The following PPARA variants were observed in gnomAD, a reference collection of about 807,000 sequenced individuals.
PPARA encodes peroxisome proliferator-activated receptor alpha.
PPARA carries 22 observed loss-of-function variants against 42.2 expected under a neutral mutation model. That is an observed-to-expected ratio of 0.52 (90% CI 0.37 to 0.74). The LOEUF (loss-of-function observed/expected upper bound fraction) is 0.74. Ranked by LOEUF, PPARA falls within the 30% of genes least tolerant of loss-of-function variation. The pLI is 0.00. For missense variants in PPARA, 465 were observed against 608.2 expected (o/e 0.76, Z 2.48); for synonymous variants, 242 against 239.3 (o/e 1.01, Z -0.10).
chr22:46,215,435 C>T, intron 5 of PPARA, 102 bp downstream of exon 5: 1 of 1,504,834 alleles, frequency 6.6e-7, no homozygotes, highest in Non-Finnish European at 9.1e-7. Context: ...GCAGAAAGTC[C>T]CGGATAAGAA....
chr22:46,194,893 C>A (rs921669777), intron 3 of PPARA, among the ~76,000 whole-genome samples: 19 of 116,056 alleles, frequency 1.6e-4, no homozygotes, highest in Non-Finnish European at 2.4e-4. Context: ...TGTTTTCTTT[C>A]TTTTTTTTTT....
rs1018612620 is a variant in PPARA at position 46,240,635 on chromosome 22, A to C, written c.*5255A>C. On this transcript the variant is annotated 3_prime_UTR_variant, in exon 9 of 9. Transcript: ENST00000407236. This position sits in a 1 kb window ranked among gnomAD's most constrained non-coding sequence, Gnocchi z 6.0. ...GACTGATGCCACCACCTGAAGGCTC[A>C]TGATTGTTAAAAATGTCCACGGGAA... 1 of 170,816 alleles carries C rather than the reference A, an allele frequency of 5.9e-6. No homozygotes were observed. Among genetic ancestry groups the C allele is most frequent in the African/African-American group, 2.4e-5 (1 of 42,202 alleles). 10.6% of individuals were successfully genotyped at this position (170,816 alleles called of 1,614,324 possible).
chr22:46,201,704 G>A (rs1932848096), intron 4 of PPARA, among the ~76,000 whole-genome samples: 1 of 152,106 alleles, frequency 6.6e-6, no homozygotes, highest in Admixed American at 6.5e-5. Flanking sequence ...ATTTAAGGAA[G>A]GAGGAAAGGA....
At position 46,212,852 on chromosome 22, in the gene PPARA, C is replaced by T. The variant is rs578019746; in HGVS notation, c.209-2321C>T. Among the ~76,000 whole-genome samples the T allele has an allele frequency of 3.7e-4, 57 of 152,118 alleles. No individual in the cohort carries two copies. The highest frequency in any genetic ancestry group is 1.3e-3 in the African/African-American group (52 of 41,506). ...CTCTACTAAAAATACAAAAATTAGC[C>T]GGGCGTGGTAATGGGCACCTGTAAT... On this transcript the variant is annotated intron_variant, in intron 4 of 8. Transcript: ENST00000407236. The surrounding 1 kb of genome is among the most constrained non-coding windows in gnomAD (Gnocchi z 4.2).
chr22:46,154,368 A>G (rs1924931839), intron 2 of PPARA, among the ~76,000 whole-genome samples: 1 of 152,184 alleles, frequency 6.6e-6, no homozygotes, highest in Non-Finnish European at 1.5e-5. Context: ...CTATGGTTTC[A>G]GCACTTTGTG....
chr22:46,243,181 C>T lies in PPARA; in HGVS notation c.*7801C>T, dbSNP rs1409203780. On this transcript the variant is annotated 3_prime_UTR_variant, in exon 9 of 9. Coordinates refer to ENST00000407236, the MANE Select transcript of PPARA (RefSeq NM_005036.6). The surrounding 1 kb of genome is among the most constrained non-coding windows in gnomAD (Gnocchi z 5.0). ...AACTTCTTGGTGCATATTGGTTACA[C>T]CCTCTGGGATTCATAATGCCATTAG... The T allele has an allele frequency of 1.3e-5, 2 of 152,268 alleles. No individual in the cohort carries two copies. The highest frequency in any genetic ancestry group is 2.9e-5 in the Non-Finnish European group (2 of 68,042). The allele number at this position is 152,268 out of a possible 1,614,324, so 9.4% of individuals were successfully genotyped here. A position where few individuals can be genotyped will look rare whatever the true frequency, so the allele number is the denominator to read the frequency against.
chr22:46,189,735 C>G (rs1931286180), intron 3 of PPARA, among the ~76,000 whole-genome samples: 1 of 148,798 alleles, frequency 6.7e-6, no homozygotes, highest in Admixed American at 6.8e-5. Context: ...GAGACAGAGT[C>G]TTGCTCTGTC....
At position 46,231,716 on chromosome 22, in the gene PPARA, G is replaced by A; in HGVS notation, c.712-76G>A. On this transcript the variant is annotated intron_variant, in intron 7 of 8. Transcript: ENST00000407236. The surrounding 1 kb of genome is among the most constrained non-coding windows in gnomAD (Gnocchi z 7.7). ...GCTTGGTGATTTGGACGCAGGAGCT[G>A]CTCATTAGTGAGCTGATAGCTGGGA... is the stretch of plus-strand genomic sequence containing the variant. The A allele has an allele frequency of 2.8e-6, 4 of 1,454,004 alleles. No homozygotes were observed. Among genetic ancestry groups the A allele is most frequent in the South Asian group, 2.4e-5 (2 of 83,194 alleles). 90.1% of individuals were successfully genotyped at this position (1,454,004 alleles called of 1,614,324 possible).
chr22:46,219,784 T>G lies in PPARA; in HGVS notation c.509-28T>G, dbSNP rs781185687. On this transcript the variant is annotated intron_variant, in intron 6 of 8. Coordinates refer to ENST00000407236, the MANE Select transcript of PPARA (RefSeq NM_005036.6). This position sits in a 1 kb window ranked among gnomAD's most constrained non-coding sequence, Gnocchi z 4.8. ...CGCGCAGTCATGACCTCACTGCTCATGCCTGTGTTTCCCCCTCCAAACCCT... is the reference window on the plus strand; with the variant it reads ...CGCGCAGTCATGACCTCACTGCTCAGGCCTGTGTTTCCCCCTCCAAACCCT... The G allele has an allele frequency of 1.9e-6, 3 of 1,612,592 alleles. No individual in the cohort carries two copies. Among genetic ancestry groups the G allele is most frequent in the Non-Finnish European group, 2.5e-6 (3 of 1,178,720 alleles).
intron 7 of PPARA, among the ~76,000 whole-genome samples, chr22:46,223,952 A>T (rs1350976342): frequency 6.6e-6 from 1 of 150,802 alleles, no homozygotes; most frequent in Non-Finnish European, 1.5e-5. Flanking sequence ...TCCATCTCAA[A>T]AAAAAAAAAA....
At chr22:46,194,805 C>G (rs1645154715) in intron 3 of PPARA, among the ~76,000 whole-genome samples, 1 of 151,166 alleles carries the variant, frequency 6.6e-6, no homozygotes, top group Non-Finnish European at 1.5e-5. Flanking sequence ...AACTCCTGAC[C>G]TTAAGTGATC....
rs1019850342 is a variant in PPARA, at chr22:46,184,173, A to T, written c.-43+7337A>T. On this transcript the variant is annotated intron_variant, in intron 3 of 8. Coordinates refer to ENST00000407236, the MANE Select transcript of PPARA (RefSeq NM_005036.6). The surrounding 1 kb of genome is among the most constrained non-coding windows in gnomAD (Gnocchi z 4.4). Reference sequence around the variant, plus strand: ...CAGGGTTGGATCTGAAAAATGGCTGATGATGATTTGATGATGACTTCATTT... The same window carrying T: ...CAGGGTTGGATCTGAAAAATGGCTGTTGATGATTTGATGATGACTTCATTT... 6.6e-6 allele frequency among the ~76,000 whole-genome samples: 1 copy of T among 152,208 alleles called. No homozygotes were observed. The highest frequency in any genetic ancestry group is 1.5e-5 in the Non-Finnish European group (1 of 68,046).
In PPARA at chr22:46,241,318, G is replaced by C. The variant is rs1232792217; in HGVS notation, c.*5938G>C. On this transcript the variant is annotated 3_prime_UTR_variant, in exon 9 of 9. Coordinates refer to ENST00000407236, the MANE Select transcript of PPARA (RefSeq NM_005036.6). The surrounding 1 kb of genome is among the most constrained non-coding windows in gnomAD (Gnocchi z 5.7). ...AAGGCAATAAATTTGGTCTGACTCA[G>C]AATATAGGAGATCCATATATTTCTC... 6.6e-6 allele frequency: 1 copy of C among 152,188 alleles called. No individual in the cohort carries two copies. Among genetic ancestry groups the C allele is most frequent in the African/African-American group, 2.4e-5 (1 of 41,444 alleles). The allele number at this position is 152,188 out of a possible 1,614,324, so 9.4% of individuals were successfully genotyped here.
intron 3 of PPARA, among the ~76,000 whole-genome samples, chr22:46,185,811 C>T (rs1930583098): frequency 6.9e-6 from 1 of 144,336 alleles, no homozygotes; most frequent in South Asian, 2.3e-4. Context: ...AGGAGAATCA[C>T]TTGAACCCAG....
rs1932775361 is a variant in PPARA at position 46,200,048 on chromosome 22, A to G, written c.208+1457A>G. Among the ~76,000 whole-genome samples the G allele has an allele frequency of 6.6e-6, 1 of 152,148 alleles. No individual in the cohort carries two copies. The highest frequency in any genetic ancestry group is 2.1e-4 in the South Asian group (1 of 4,826). ...CAATTAAAATCTTTAACACTAAACAATCTAGTACATCACTGGTGGAAACAG... is the reference window on the plus strand; with the variant it reads ...CAATTAAAATCTTTAACACTAAACAGTCTAGTACATCACTGGTGGAAACAG... On this transcript the variant is annotated intron_variant, in intron 4 of 8. Transcript: ENST00000407236. The surrounding 1 kb of genome is among the most constrained non-coding windows in gnomAD (Gnocchi z 4.8).
At position 46,242,420 on chromosome 22, in the gene PPARA, A is replaced by G. The variant is rs1324501217; in HGVS notation, c.*7040A>G. 6.6e-6 allele frequency: 1 copy of G among 152,664 alleles called. No homozygotes were observed. The highest frequency in any genetic ancestry group is 1.5e-5 in the Non-Finnish European group (1 of 68,040). The allele number at this position is 152,664 out of a possible 1,614,324, so 9.5% of individuals were successfully genotyped here. ...CCTTTTCTCATGTACCTCACAAAAG[A>G]TGAAGACCATGTAGTACTCTTTTTG... On this transcript the variant is annotated 3_prime_UTR_variant, in exon 9 of 9. Transcript: ENST00000407236. The surrounding 1 kb of genome is among the most constrained non-coding windows in gnomAD (Gnocchi z 6.1).
intron 4 of PPARA, among the ~76,000 whole-genome samples, chr22:46,202,677 T>C (rs1052872772): frequency 6.6e-6 from 1 of 151,822 alleles, no homozygotes. Context: ...TTTTTATTTA[T>C]TTTTTGAGAC....
rs1264718498 is a variant in PPARA, at chr22:46,238,424, A to G, written c.*3044A>G. The G allele has an allele frequency of 6.6e-6, 1 of 152,230 alleles. No individual in the cohort carries two copies. The highest frequency in any genetic ancestry group is 1.5e-5 in the Non-Finnish European group (1 of 68,050). 9.4% of individuals were successfully genotyped at this position (152,230 alleles called of 1,614,324 possible). ...TTCAACAGACATCAGCCAAAAGAACAAAAGAGATGTCAGGACAGATTCCAG... is the reference window on the plus strand; with the variant it reads ...TTCAACAGACATCAGCCAAAAGAACGAAAGAGATGTCAGGACAGATTCCAG... On this transcript the variant is annotated 3_prime_UTR_variant, in exon 9 of 9. Transcript: ENST00000407236. This position sits in a 1 kb window ranked among gnomAD's most constrained non-coding sequence, Gnocchi z 8.3.
chr22:46,175,909 C>T (rs1198960253), intron 2 of PPARA: 1 of 152,052 alleles, frequency 6.6e-6, no homozygotes, highest in Admixed American at 6.6e-5. Flanking sequence ...TAGGTTGTTT[C>T]CAGCTTGGAG....
Sources: gnomAD v4.1 joint callset for allele counts (sites outside exome capture counted in the v4.1 genomes callset) on GRCh38, gnomAD v4.1.1 for gene constraint, Gnocchi (gnomAD v3.1) non-coding constraint, MANE v1.5 for transcripts, NCBI Gene and HGNC (gene_info 2026-07-23, HGNC 2026-07-21) for gene names.